The following USP25 variants were observed in gnomAD, a reference collection of about 807,000 sequenced individuals.
USP25 encodes ubiquitin carboxyl-terminal hydrolase 25.
Under a neutral mutation model 158.5 loss-of-function variants are expected in USP25, and 85 were observed. The observed-to-expected ratio is 0.54, with a 90% CI of 0.45 to 0.64. The LOEUF (loss-of-function observed/expected upper bound fraction) is 0.64. USP25 is among the 30% of genes least tolerant of loss of function. The pLI is 0.00. For missense variants in USP25, 1,242 were observed against 1,327.3 expected (o/e 0.94, Z 1.00); for synonymous variants, 464 against 460.4 (o/e 1.01, Z -0.10).
At chr21:15,762,762 C>T in intron 1 of USP25, 129 bp from the exon 2 acceptor site, 2 of 752,824 alleles carry the variant, frequency 2.7e-6, no homozygotes. Flanking sequence ...AGTTCTTTTT[C>T]CTTTTTTACT....
chr21:15,840,932 A>T (rs762781635), intron 17 of USP25, among the ~76,000 whole-genome samples: 1 of 152,202 alleles, frequency 6.6e-6, no homozygotes, highest in Non-Finnish European at 1.5e-5. Context: ...AGCAGCTGGC[A>T]TGAGCCACCT....
At chr21:15,810,084 A>G (rs1287806020) in intron 8 of USP25, among the ~76,000 whole-genome samples, 2 of 152,150 alleles carry the variant, frequency 1.3e-5, no homozygotes, top group Non-Finnish European at 1.5e-5. Context: ...AACAGTGTGA[A>G]TATACTTAAC....
chr21:15,793,845 C>G (rs1188033647), intron 5 of USP25, among the ~76,000 whole-genome samples: 1 of 151,546 alleles, frequency 6.6e-6, no homozygotes, highest in Non-Finnish European at 1.5e-5. Flanking sequence ...TAGCTTTTAA[C>G]TTTTATCTTT....
intron 19 of USP25, among the ~76,000 whole-genome samples, chr21:15,848,777 A>G (rs2038748888): frequency 6.6e-6 from 1 of 152,114 alleles, no homozygotes; most frequent in Non-Finnish European, 1.5e-5. Flanking sequence ...TGTGAGATAA[A>G]CTGGTCAGAG....
chr21:15,818,532 A>C (rs2037066210), intron 9 of USP25, among the ~76,000 whole-genome samples, 166 bp from the exon 10 acceptor site: 1 of 152,172 alleles, frequency 6.6e-6, no homozygotes, highest in South Asian at 2.1e-4. Flanking sequence ...ATAAATGTAC[A>C]TTTGCACATG....
At chr21:15,855,821 C>T (rs1023820574) in intron 20 of USP25, among the ~76,000 whole-genome samples, 1 of 152,226 alleles carries the variant, frequency 6.6e-6, no homozygotes, top group East Asian at 1.9e-4. Flanking sequence ...CCCATCACTA[C>T]AGTCTGTCCG....
chr21:15,853,580 T>C (rs1431546896), intron 20 of USP25, among the ~76,000 whole-genome samples: 1 of 152,216 alleles, frequency 6.6e-6, no homozygotes, highest in Non-Finnish European at 1.5e-5. Context: ...TACCCAAAGT[T>C]ATATAAATTT....
chr21:15,799,777 A>T lies in USP25; in HGVS notation c.576A>T (p.Glu192Asp). 6.3e-7 allele frequency: 1 copy of T among 1,597,740 alleles called. No homozygotes were observed. ...TTCAGTCATTATTTAATCTTTTGGAATTTAGAAGATTAGTTCTGAATTACA... is the reference window on the plus strand; with the variant it reads ...TTCAGTCATTATTTAATCTTTTGGATTTTAGAAGATTAGTTCTGAATTACA... The part of the protein sequence containing the change: ...AVIQSLFNLL[E>D]FRRLVLNYKP... The change falls in exon 6 of 26, where the codon GAA (glutamate) becomes GAT (aspartate). Residue 192 changes from glutamate to aspartate, a missense_variant. Coordinates refer to ENST00000400183, the MANE Select transcript of USP25 (RefSeq NM_001283041.3).
chr21:15,817,300 G>T (rs1356605302), intron 9 of USP25, among the ~76,000 whole-genome samples: 1 of 151,890 alleles, frequency 6.6e-6, no homozygotes, highest in African/African-American at 2.4e-5. Flanking sequence ...GCCCTTCCTT[G>T]CATATATGTA....
chr21:15,847,858 TACTTA>T, intron 19 of USP25, 82 bp downstream of exon 19: 1 of 818,726 alleles, frequency 1.2e-6, no homozygotes, highest in Non-Finnish European at 1.9e-6. Flanking sequence ...TGCACCCTCA[TACTTA>T]ATGTCTATTG....
chr21:15,834,152 A>AT (rs1315266908), intron 17 of USP25, among the ~76,000 whole-genome samples: 2 of 152,234 alleles, frequency 1.3e-5, no homozygotes, highest in Non-Finnish European at 2.9e-5. Flanking sequence ...ACATATAAAT[A>AT]TTTAAAAACA....
intron 17 of USP25, among the ~76,000 whole-genome samples, chr21:15,839,149 T>A (rs1267873817): frequency 6.6e-6 from 1 of 152,110 alleles, no homozygotes; most frequent in East Asian, 1.9e-4. Context: ...GCATTTAAAT[T>A]TTTTGTTTGT....
At chr21:15,844,156 A>C (rs1481037187) in intron 18 of USP25, among the ~76,000 whole-genome samples, 2 of 152,094 alleles carry the variant, frequency 1.3e-5, no homozygotes, top group Non-Finnish European at 2.9e-5. Context: ...GCATATGTAA[A>C]TCCTGAAGCA....
At chr21:15,784,002 A>G (rs1360582100) in intron 4 of USP25, among the ~76,000 whole-genome samples, 3 of 151,984 alleles carry the variant, frequency 2.0e-5, no homozygotes, top group Non-Finnish European at 4.4e-5. Flanking sequence ...AGAAATAGAG[A>G]CGTTTCCAGA....
Position 15,766,195 on chromosome 21 carries a change from T to C in USP25, c.268+54T>C. 1 of 1,520,398 alleles carries C rather than the reference T, an allele frequency of 6.6e-7. No homozygotes were observed. The highest frequency in any genetic ancestry group is 8.8e-7 in the Non-Finnish European group (1 of 1,141,600). 94.2% of individuals were successfully genotyped at this position (1,520,398 alleles called of 1,614,324 possible). ...TAATAGAAACATACTGAAAAACTTT[T>C]CTTGGTGTAATATATTAATGTTGCT... On this transcript the variant is annotated intron_variant, in intron 3 of 25. Transcript: ENST00000400183. This position sits in a 1 kb window ranked among gnomAD's most constrained non-coding sequence, Gnocchi z 4.0.
At chr21:15,836,009 C>T (rs1354172638) in intron 17 of USP25, among the ~76,000 whole-genome samples, 1 of 152,094 alleles carries the variant, frequency 6.6e-6, no homozygotes, top group Admixed American at 6.5e-5. Flanking sequence ...AATGTCCATG[C>T]CATCCTCTTC....
chr21:15,764,784 A>G (rs2033937932), intron 2 of USP25, among the ~76,000 whole-genome samples: 1 of 152,116 alleles, frequency 6.6e-6, no homozygotes, highest in Non-Finnish European at 1.5e-5. Context: ...TCACTTAGGA[A>G]TCGTCTAATG....
intron 8 of USP25, among the ~76,000 whole-genome samples, chr21:15,809,778 A>G (rs532060495): frequency 6.6e-6 from 1 of 152,306 alleles, no homozygotes; most frequent in East Asian, 1.9e-4. Context: ...GAATGGATAA[A>G]CAAAATGTGC....
chr21:15,767,740 G>T (rs2034124971), intron 3 of USP25, among the ~76,000 whole-genome samples: 1 of 152,060 alleles, frequency 6.6e-6, no homozygotes, highest in African/African-American at 2.4e-5. Flanking sequence ...AAGCAAGCAG[G>T]AAATTGACTA....
Sources: allele counts gnomAD v4.1 joint callset (sites outside exome capture counted in the v4.1 genomes callset), GRCh38; gene constraint gnomAD v4.1.1; non-coding constraint Gnocchi (gnomAD v3.1); transcripts MANE v1.5; gene names NCBI Gene and HGNC (gene_info 2026-07-23, HGNC 2026-07-21).